The following CLVS1 variants were observed in gnomAD, a reference collection of about 807,000 sequenced individuals.
The protein encoded by CLVS1 is clavesin 1.
Under a neutral mutation model 33.1 loss-of-function variants are expected in CLVS1, and 10 were observed. The ratio of observed to expected loss-of-function variants is 0.30; its 90% CI spans 0.19 to 0.51. CLVS1 has a LOEUF of 0.51. CLVS1 is among the 20% of genes least tolerant of loss of function. The pLI, the probability that CLVS1 is intolerant of heterozygous loss-of-function variation, is 0.97. For missense variants in CLVS1, 343 were observed against 433.4 expected (o/e 0.79, Z 1.85); for synonymous variants, 163 against 166.1 (o/e 0.98, Z 0.14).
chr8:61,080,979 A>C (rs1438190720), intron 1 of CLVS1, among the ~76,000 whole-genome samples: 1 of 152,220 alleles, frequency 6.6e-6, no homozygotes, highest in Non-Finnish European at 1.5e-5. Context: ...ATGATAACAC[A>C]AATGTATGGA....
At chr8:61,280,064 A>C (rs1418339690) in intron 2 of CLVS1, among the ~76,000 whole-genome samples, 3 of 152,172 alleles carry the variant, frequency 2.0e-5, no homozygotes. Flanking sequence ...GGGGTAAAAG[A>C]GTACATTTTT....
At chr8:61,346,660 A>G (rs1350103395) in intron 2 of CLVS1, among the ~76,000 whole-genome samples, 2 of 152,092 alleles carry the variant, frequency 1.3e-5, no homozygotes, top group African/African-American at 4.8e-5. Flanking sequence ...TTTTTCCCCC[A>G]GATAAAGTAT....
intron 1 of CLVS1, among the ~76,000 whole-genome samples, chr8:61,116,980 A>C (rs1190819813): frequency 6.9e-6 from 1 of 144,638 alleles, no homozygotes; most frequent in Non-Finnish European, 1.5e-5. Flanking sequence ...CATTTTCACA[A>C]TATTGATTCT....
intron 1 of CLVS1, among the ~76,000 whole-genome samples, chr8:61,073,743 T>A (rs1804844268): frequency 6.6e-6 from 1 of 152,154 alleles, no homozygotes; most frequent in Non-Finnish European, 1.5e-5. Flanking sequence ...CCGGGCGCAG[T>A]GGCTCACACC....
intron 1 of CLVS1, among the ~76,000 whole-genome samples, chr8:61,108,648 G>A (rs1184499573): frequency 6.6e-6 from 1 of 152,166 alleles, no homozygotes; most frequent in African/African-American, 2.4e-5. Flanking sequence ...CGCTAAATAT[G>A]AATACTAATC....
the CLVS1 span, among the ~76,000 whole-genome samples, chr8:61,024,893 G>T: frequency 6.6e-6 from 1 of 150,950 alleles, no homozygotes; most frequent in Non-Finnish European, 1.5e-5. Context: ...TGTCACCCAG[G>T]CTGCAGTGCA....
At position 61,148,448 on chromosome 8, in the gene CLVS1, G is replaced by A. The variant is rs149318029; in HGVS notation, c.-152+16588G>A. Among the ~76,000 whole-genome samples, 9 of 152,280 alleles carry A rather than the reference G, an allele frequency of 5.9e-5. No homozygotes were observed. The East Asian group carries it at 1.7e-3, about 29-fold the overall frequency. The stretch of plus-strand genomic sequence containing the variant: ...CCTCAATAGAAAAAAGTCCACACAA[G>A]GCTCCTACCCTTGCCTGCCCCTCCC... On this transcript the variant is annotated intron_variant, in intron 2 of 2. Coordinates refer to the CLVS1 transcript ENST00000522621.
chr8:61,105,866 A>C (rs925589779), intron 1 of CLVS1, among the ~76,000 whole-genome samples: 1 of 152,060 alleles, frequency 6.6e-6, no homozygotes, highest in African/African-American at 2.4e-5. Context: ...AACCCGTCAC[A>C]GCCCAAATTG....
chr8:61,315,892 C>A (rs1810992891), intron 2 of CLVS1, among the ~76,000 whole-genome samples: 1 of 152,100 alleles, frequency 6.6e-6, no homozygotes, highest in South Asian at 2.1e-4. Flanking sequence ...CCCCAACTCC[C>A]CAATAGGCCC....
chr8:61,240,662 A>G (rs1333468275), intron 2 of CLVS1, among the ~76,000 whole-genome samples: 1 of 152,122 alleles, frequency 6.6e-6, no homozygotes, highest in East Asian at 1.9e-4. Context: ...TCCAATGGTA[A>G]ATGTGTTGTT....
rs149475522 is a variant in CLVS1, at chr8:61,324,841, C to G, written c.455+24559C>G. Among the ~76,000 whole-genome samples the G allele has an allele frequency of 4.9e-3, 748 of 152,240 alleles. 8 individuals are homozygous for G. The highest frequency in any genetic ancestry group is 0.017 in the African/African-American group (724 of 41,542). The stretch of plus-strand genomic sequence containing the variant: ...CTGAATTAATTTACACTCCTACCAA[C>G]AGTGTACAAGCAGAGAACAGTAATT... On this transcript the variant is annotated intron_variant, in intron 2 of 5. Coordinates refer to ENST00000325897, the MANE Select transcript of CLVS1 (RefSeq NM_173519.3).
intron 2 of CLVS1, among the ~76,000 whole-genome samples, chr8:61,256,545 G>C (rs988448258): frequency 6.0e-5 from 9 of 149,024 alleles, no homozygotes; most frequent in East Asian, 2.0e-4. Context: ...CAAAACAAAA[G>C]AAAACAAAAT....
chr8:61,389,540 G>GA (rs11444687), intron 3 of CLVS1, among the ~76,000 whole-genome samples: 8,357 of 143,182 alleles, frequency 0.058, 507 homozygotes, highest in African/African-American at 0.16. Context: ...CTCAAAAAAG[G>GA]AAAAAAAAAA....
chr8:61,314,020 C>T (rs1810929943), intron 2 of CLVS1, among the ~76,000 whole-genome samples: 1 of 152,174 alleles, frequency 6.6e-6, no homozygotes, highest in African/African-American at 2.4e-5. Context: ...GCAGATGACT[C>T]ATCGCTTTCT....
intron 3 of CLVS1, among the ~76,000 whole-genome samples, chr8:61,409,443 A>T (rs1013749457): frequency 2.0e-5 from 3 of 151,346 alleles, no homozygotes; most frequent in Non-Finnish European, 4.4e-5. Flanking sequence ...TATTTCAGAG[A>T]ATGGAAATCT....
chr8:60,986,672 T>C, the CLVS1 span, among the ~76,000 whole-genome samples: 6 of 152,256 alleles, frequency 3.9e-5, no homozygotes, highest in African/African-American at 1.4e-4. Context: ...GTTGTTAACA[T>C]GGTAAACATT....
the CLVS1 span, among the ~76,000 whole-genome samples, chr8:60,989,558 T>C: frequency 6.6e-6 from 1 of 152,206 alleles, no homozygotes; most frequent in Non-Finnish European, 1.5e-5. Flanking sequence ...ACGTGACCCC[T>C]GAAGCTATGT....
chr8:61,462,456 CT>C (rs1250069992), intron 5 of CLVS1, among the ~76,000 whole-genome samples: 1 of 152,130 alleles, frequency 6.6e-6, no homozygotes, highest in Non-Finnish European at 1.5e-5. Context: ...ATGATCTCAT[CT>C]CACTGCAACC....
intron 1 of CLVS1, among the ~76,000 whole-genome samples, chr8:61,290,543 C>T (rs1809948751): frequency 6.6e-6 from 1 of 152,128 alleles, no homozygotes. Context: ...TCCCAAAAGG[C>T]AAAATCTTGA....
Sources: gnomAD v4.1 joint callset for allele counts (sites outside exome capture counted in the v4.1 genomes callset) on GRCh38, gnomAD v4.1.1 for gene constraint, MANE v1.5 for transcripts, NCBI Gene and HGNC (gene_info 2026-07-23, HGNC 2026-07-21) for gene names.